Variants in THAP12 observed in about 807,000 individuals in gnomAD.
THAP12 encodes THAP domain containing 12.
In THAP12, 20 loss-of-function variants were observed where a neutral mutation model predicts 63.0. That is an observed-to-expected ratio of 0.32 (90% CI 0.22 to 0.46). The LOEUF (loss-of-function observed/expected upper bound fraction) is 0.46. Among genes scored for constraint, THAP12 ranks in the 20% least tolerant of loss-of-function variants. The pLI is 1.00. For synonymous variants in THAP12, 264 were observed against 328.4 expected, an observed-to-expected ratio of 0.80 and a Z score of 2.12; for missense variants, 568 against 908.2, an observed-to-expected ratio of 0.63 and a Z score of 4.81.
chr11:76,357,657 A>C (rs1946570495), intron 3 of THAP12: 1 of 152,216 alleles, frequency 6.6e-6, no homozygotes. Flanking sequence ...CATCACATAG[A>C]CTATATGTAT....
At chr11:76,353,887 T>C (rs1159238692) in intron 4 of THAP12, among the ~76,000 whole-genome samples, 1 of 152,206 alleles carries the variant, frequency 6.6e-6, no homozygotes, top group East Asian at 1.9e-4. Flanking sequence ...CACATGCCTG[T>C]AGTCCCAGCT....
intron 2 of THAP12, among the ~76,000 whole-genome samples, chr11:76,363,518 A>G (rs1282914497): frequency 1.3e-5 from 2 of 152,130 alleles, no homozygotes; most frequent in Non-Finnish European, 2.9e-5. Context: ...TACTGATGAG[A>G]TCTTCAATGC....
intron 1 of THAP12, among the ~76,000 whole-genome samples, chr11:76,370,816 G>A (rs1274271309): frequency 2.6e-5 from 3 of 113,760 alleles, no homozygotes; most frequent in South Asian, 3.5e-4. Flanking sequence ...GCGAGACTCC[G>A]TCTCAAAAAA....
chr11:76,352,742 A>G lies in THAP12; in HGVS notation c.408T>C (p.Asn136=). The change falls in exon 5 of 5, where the codon AAT becomes AAC. Residue 136 remains asparagine (N), a synonymous_variant. Coordinates refer to ENST00000260045, the MANE Select transcript of THAP12 (RefSeq NM_004705.4). ...EQKHKETNNS[N]AQNPSEEEGE... Reference sequence around the variant, plus strand: ...CCTCTTCTTCGCTGGGGTTCTGAGCATTGCTATTGTTGGTTTCTTTATGTT... The same window carrying G: ...CCTCTTCTTCGCTGGGGTTCTGAGCGTTGCTATTGTTGGTTTCTTTATGTT... 1 of 1,568,806 alleles carries G rather than the reference A, an allele frequency of 6.4e-7. No individual in the cohort carries two copies. The highest frequency in any genetic ancestry group is 8.6e-7 in the Non-Finnish European group (1 of 1,160,812).
chr11:76,370,778 C>T (rs1946667693), intron 1 of THAP12, among the ~76,000 whole-genome samples: 1 of 147,402 alleles, frequency 6.8e-6, no homozygotes, highest in Non-Finnish European at 1.5e-5. Flanking sequence ...GCCAAGATCG[C>T]ACCACTGCAC....
At chr11:76,372,579 C>A (rs1946682081) in intron 1 of THAP12, among the ~76,000 whole-genome samples, 1 of 139,888 alleles carries the variant, frequency 7.1e-6, no homozygotes, top group Non-Finnish European at 1.5e-5. Context: ...CCAGTCAGAA[C>A]TGTTACATTT....
At chr11:76,370,808 G>A (rs1353891676) in intron 1 of THAP12, among the ~76,000 whole-genome samples, 1 of 137,744 alleles carries the variant, frequency 7.3e-6, no homozygotes, top group Non-Finnish European at 1.5e-5. Flanking sequence ...GCAAGAGAGC[G>A]AGACTCCGTC....
chr11:76,367,715 G>GC (rs1946641549), intron 1 of THAP12, among the ~76,000 whole-genome samples: 1 of 152,176 alleles, frequency 6.6e-6, no homozygotes, highest in African/African-American at 2.4e-5. Flanking sequence ...GAGCCACTGC[G>GC]CCCGGCCCAA....
intron 1 of THAP12, among the ~76,000 whole-genome samples, chr11:76,375,168 A>G (rs1348924632): frequency 6.6e-6 from 1 of 152,216 alleles, no homozygotes; most frequent in Non-Finnish European, 1.5e-5. Context: ...CCTTCATTAA[A>G]TTGCCAGAAG....
At chr11:76,369,955 T>C (rs1946659319) in intron 1 of THAP12, among the ~76,000 whole-genome samples, 1 of 152,214 alleles carries the variant, frequency 6.6e-6, no homozygotes, top group African/African-American at 2.4e-5. Context: ...TACAACCATA[T>C]ACTGAGTCCT....
chr11:76,352,494 C>A lies in THAP12; in HGVS notation c.656G>T (p.Arg219Leu). ...CGTGTTAACTGCTGTTGTCTCAAAC[C>A]GCTTTCTCAGAACCTCTTCACCAGA... ...INSGEEVLRK[R>L]FETTAVNTLF... The change falls in exon 5 of 5, where the codon CGG becomes CTG. Residue 219 changes from arginine to leucine, a missense_variant. Arg to Leu is a moderately radical substitution (Grantham distance 102). Coordinates refer to ENST00000260045, the MANE Select transcript of THAP12 (RefSeq NM_004705.4). The A allele has an allele frequency of 6.2e-7, 1 of 1,611,994 alleles. No homozygotes were observed. The highest frequency in any genetic ancestry group is 8.5e-7 in the Non-Finnish European group (1 of 1,179,848).
At chr11:76,363,405 C>T (rs1402144072) in intron 2 of THAP12, among the ~76,000 whole-genome samples, 1 of 151,952 alleles carries the variant, frequency 6.6e-6, no homozygotes, top group Admixed American at 6.6e-5. Context: ...AGGGTCTCAC[C>T]ACCATGTTGC....
In THAP12 at chr11:76,365,883, T is replaced by C. The variant is rs375312272; in HGVS notation, c.179A>G (p.Lys60Arg). The C allele has an allele frequency of 6.8e-5, 109 of 1,613,336 alleles. No individual in the cohort carries two copies. The highest frequency in any genetic ancestry group is 5.0e-4 in the Middle Eastern group (3 of 5,966). Residue 60 changes from lysine (K) to arginine (R), a missense_variant, in exon 2 of 5, where the codon AAA (lysine) becomes AGA (arginine). Physicochemically the swap from Lys to Arg is conservative, Grantham distance 26 (BLOSUM62 2). Coordinates refer to ENST00000260045, the MANE Select transcript of THAP12 (RefSeq NM_004705.4). ...ACAGATCATAGAGGTCTCAAAATGT[T>C]TGGCACATAATCGATAATGTTTATT... ...QLNKHYRLCA[K>R]HFETSMICRT...
intron 1 of THAP12, among the ~76,000 whole-genome samples, chr11:76,370,791 C>G (rs1286585604): frequency 6.9e-6 from 1 of 144,750 alleles, no homozygotes; most frequent in Admixed American, 7.0e-5. Context: ...CACTGCACTC[C>G]AGCCTGGCAA....
chr11:76,351,030 T>C lies in THAP12; in HGVS notation c.2120A>G (p.Tyr707Cys), dbSNP rs1476318066. 6.2e-7 allele frequency: 1 copy of C among 1,611,918 alleles called. No homozygotes were observed. Among genetic ancestry groups the C allele is most frequent in the Non-Finnish European group, 8.5e-7 (1 of 1,179,842 alleles). The change falls in exon 5 of 5, where the codon TAT becomes TGT. Residue 707 changes from tyrosine to cysteine, a missense_variant. Coordinates refer to ENST00000260045, the MANE Select transcript of THAP12 (RefSeq NM_004705.4). The part of the protein sequence containing the change: ...YENGRKRLKA[Y>C]LRNTLTDQRS... ...TTGGTCTGTCAAAGTGTTCCTCAAA[T>C]ATGCTTTAAGACGCTTTCGTCCATT...
At chr11:76,370,632 G>A (rs1307411948) in intron 1 of THAP12, among the ~76,000 whole-genome samples, 4 of 151,986 alleles carry the variant, frequency 2.6e-5, no homozygotes, top group Non-Finnish European at 5.9e-5. Flanking sequence ...CAAGGTGCTA[G>A]GATTACAGGC....
chr11:76,379,481 C>T (rs543120568), intron 1 of THAP12, among the ~76,000 whole-genome samples: 1 of 152,282 alleles, frequency 6.6e-6, no homozygotes, highest in South Asian at 2.1e-4. Context: ...TTTCTGGTCT[C>T]ATCTCACCTC....
At chr11:76,377,140 T>C (rs2134518834) in intron 1 of THAP12, among the ~76,000 whole-genome samples, 1 of 152,350 alleles carries the variant, frequency 6.6e-6, no homozygotes, top group East Asian at 1.9e-4. Context: ...CGGTTTTAAA[T>C]ACCCTCTATA....
At chr11:76,375,751 G>GGT (rs1946705144) in intron 1 of THAP12, among the ~76,000 whole-genome samples, 1 of 114,544 alleles carries the variant, frequency 8.7e-6, no homozygotes, top group African/African-American at 3.1e-5. Context: ...AAAAGGTGGG[G>GGT]GGGGGGTGGG....
Sources: allele counts gnomAD v4.1 joint callset (sites outside exome capture counted in the v4.1 genomes callset), GRCh38; gene constraint gnomAD v4.1.1; transcripts MANE v1.5; gene names NCBI Gene and HGNC (gene_info 2026-07-23, HGNC 2026-07-21).